The following CNTN5 variants were observed in gnomAD, a reference collection of about 807,000 sequenced individuals.
CNTN5 encodes contactin 5.
In CNTN5, 77 loss-of-function variants were observed where a neutral mutation model predicts 129.1. That is an observed-to-expected ratio of 0.60 (90% CI 0.50 to 0.72). CNTN5 has a LOEUF of 0.72. CNTN5 is among the 30% of genes least tolerant of loss of function. The pLI is 0.00. For synonymous variants in CNTN5, 509 were observed against 465.6 expected (o/e 1.09, Z -1.20); for missense variants, 1,478 against 1,328.8 (o/e 1.11, Z -1.75).
chr11:99,357,606 T>C (rs1938770821), intron 2 of CNTN5, among the ~76,000 whole-genome samples: 1 of 151,914 alleles, frequency 6.6e-6, no homozygotes, highest in Admixed American at 6.6e-5. Context: ...AATGGCTCTA[T>C]AGCATATGCA....
At chr11:99,230,122 A>G (rs972125856) in intron 1 of CNTN5, among the ~76,000 whole-genome samples, 1 of 151,970 alleles carries the variant, frequency 6.6e-6, no homozygotes, top group East Asian at 1.9e-4. Context: ...AAAATTCGAT[A>G]CTTAAAAGAG....
chr11:99,225,018 A>T (rs1328016479), intron 1 of CNTN5, among the ~76,000 whole-genome samples: 1 of 152,144 alleles, frequency 6.6e-6, no homozygotes, highest in Non-Finnish European at 1.5e-5. Flanking sequence ...TTAGAAGGAA[A>T]TTAAGTTTGG....
chr11:99,586,335 A>G (rs1434987838), intron 3 of CNTN5, among the ~76,000 whole-genome samples: 1 of 151,992 alleles, frequency 6.6e-6, no homozygotes, highest in Non-Finnish European at 1.5e-5. Flanking sequence ...AACTCAGCAT[A>G]ATAACGGACA....
intron 3 of CNTN5, among the ~76,000 whole-genome samples, chr11:99,597,948 C>A (rs548672087): frequency 1.3e-5 from 2 of 152,224 alleles, no homozygotes; most frequent in South Asian, 4.1e-4. Context: ...TCCCAGGTTG[C>A]ATCAGCTACG....
chr11:99,695,327 G>A (rs1036106204), intron 3 of CNTN5, among the ~76,000 whole-genome samples: 1 of 151,792 alleles, frequency 6.6e-6, no homozygotes, highest in African/African-American at 2.4e-5. Flanking sequence ...CCACAAGCAG[G>A]GTAGCATTGA....
rs199733775 is a variant in CNTN5, at chr11:100,002,083, G to T, written c.927G>T (p.Thr309=). ...EPKIEVHFPF[T]VTAAKGTTVK... Reference sequence around the variant, plus strand: ...AAATTGAGGTCCATTTTCCTTTCACGGTTACAGCTGCTAAAGGAACAACTG... The same window carrying T: ...AAATTGAGGTCCATTTTCCTTTCACTGTTACAGCTGCTAAAGGAACAACTG... The change falls in exon 9 of 25, where the codon ACG becomes ACT. Residue 309 remains threonine, a synonymous_variant. Coordinates refer to ENST00000524871, the MANE Select transcript of CNTN5 (RefSeq NM_014361.4). 6.4e-5 allele frequency: 102 copies of T among 1,597,896 alleles called. No individual in the cohort carries two copies. The highest frequency in any genetic ancestry group is 8.0e-5 in the Non-Finnish European group (94 of 1,175,256).
intron 3 of CNTN5, among the ~76,000 whole-genome samples, chr11:99,784,936 A>T (rs1431657597): frequency 2.6e-5 from 4 of 151,308 alleles, no homozygotes; most frequent in Admixed American, 2.6e-4. Flanking sequence ...AATAGGTGAG[A>T]CTACAGGTGC....
intron 13 of CNTN5, among the ~76,000 whole-genome samples, chr11:100,142,423 G>A (rs1946725612): frequency 6.6e-6 from 1 of 152,044 alleles, no homozygotes; most frequent in Admixed American, 6.6e-5. Context: ...TATGTAGATT[G>A]AGCATCCCTA....
At chr11:99,356,512 C>A (rs61894583) in intron 2 of CNTN5, among the ~76,000 whole-genome samples, 12 of 152,092 alleles carry the variant, frequency 7.9e-5, no homozygotes, top group African/African-American at 2.9e-4. Flanking sequence ...TCATGTATAA[C>A]CCTCCTCAAC....
chr11:100,133,870 A>C (rs1292827076), intron 13 of CNTN5, among the ~76,000 whole-genome samples: 1 of 152,168 alleles, frequency 6.6e-6, no homozygotes, highest in African/African-American at 2.4e-5. Context: ...AATTTCAAAG[A>C]TGGTTCTCCC....
At chr11:99,684,368 A>G (rs751265199) in intron 3 of CNTN5, among the ~76,000 whole-genome samples, 36 of 152,064 alleles carry the variant, frequency 2.4e-4, no homozygotes, top group Non-Finnish European at 5.0e-4. Flanking sequence ...GTTATTGAAT[A>G]CATGTATTAT....
intron 18 of CNTN5, among the ~76,000 whole-genome samples, chr11:100,288,675 A>C (rs1201223538): frequency 4.2e-4 from 60 of 141,476 alleles, no homozygotes; most frequent in Admixed American, 7.3e-4. Flanking sequence ...CAAAATTGAC[A>C]CCCTAACATC....
intron 3 of CNTN5, among the ~76,000 whole-genome samples, chr11:99,717,683 T>C (rs566491245): frequency 1.3e-5 from 2 of 152,158 alleles, no homozygotes; most frequent in East Asian, 3.9e-4. Flanking sequence ...CCATAATCTG[T>C]TTCAAAAAAT....
At chr11:99,918,174 A>C (rs372772499) in intron 7 of CNTN5, among the ~76,000 whole-genome samples, 1 of 152,166 alleles carries the variant, frequency 6.6e-6, no homozygotes, top group East Asian at 1.9e-4. Context: ...TCCTTCAGTT[A>C]TTATCATATT....
At position 99,350,976 on chromosome 11, in the gene CNTN5, C is replaced by A. The variant is rs139629322; in HGVS notation, c.-71+25492C>A. 2.1e-3 allele frequency among the ~76,000 whole-genome samples: 326 copies of A among 151,818 alleles called. 3 individuals are homozygous for A. Among genetic ancestry groups the A allele is most frequent in the Non-Finnish European group, 1.4e-3 (93 of 67,956 alleles). ...CAGAAAGAATTCCATTTTATGAGAG[C>A]AAATGGACCCAGGGAGGGGATCATC... On this transcript the variant is annotated intron_variant, in intron 2 of 24. Transcript: ENST00000524871.
chr11:99,699,052 G>T (rs1017960782), intron 3 of CNTN5, among the ~76,000 whole-genome samples: 1 of 151,286 alleles, frequency 6.6e-6, no homozygotes, highest in Non-Finnish European at 1.5e-5. Flanking sequence ...AATAAAGGTA[G>T]ATCATGGTAT....
chr11:99,737,509 T>A (rs1194856247), intron 3 of CNTN5, among the ~76,000 whole-genome samples: 1 of 152,164 alleles, frequency 6.6e-6, no homozygotes, highest in East Asian at 1.9e-4. Context: ...TATTTCTTGG[T>A]GTCTGCTTTT....
chr11:100,101,824 T>C (rs755484672), intron 13 of CNTN5, among the ~76,000 whole-genome samples: 16 of 152,152 alleles, frequency 1.1e-4, no homozygotes, highest in Non-Finnish European at 1.9e-4. Context: ...TGTGAGAACA[T>C]GCAATACTTG....
chr11:99,304,058 C>T lies in CNTN5; in HGVS notation c.-209-21288C>T, dbSNP rs367701274. Among the ~76,000 whole-genome samples the T allele has an allele frequency of 3.9e-5, 6 of 152,164 alleles. No homozygotes were observed. In the East Asian group the frequency reaches 5.8e-4, roughly 15 times the overall value. On this transcript the variant is annotated intron_variant, in intron 1 of 24. Transcript: ENST00000524871. ...CATGTACCTTGTTGTTGGGAAGTCA[C>T]GACACCTAAAATGATTTCAAGCTAA...
Sources: allele counts gnomAD v4.1 joint callset (sites outside exome capture counted in the v4.1 genomes callset), GRCh38; gene constraint gnomAD v4.1.1; transcripts MANE v1.5; gene names NCBI Gene and HGNC (gene_info 2026-07-23, HGNC 2026-07-21).